The following PTPRM variants were observed in gnomAD, a reference collection of about 807,000 sequenced individuals.
The protein encoded by PTPRM is receptor-type tyrosine-protein phosphatase mu.
Under a neutral mutation model 186.7 loss-of-function variants are expected in PTPRM, and 47 were observed. The ratio of observed to expected loss-of-function variants is 0.25; its 90% CI spans 0.20 to 0.32. PTPRM has a LOEUF of 0.32. PTPRM is among the 10% of genes least tolerant of loss of function. PTPRM has a pLI of 1.00. For missense variants in PTPRM, 1,494 were observed against 1,865.0 expected (o/e 0.80, Z 3.66); for synonymous variants, 668 against 674.9 (o/e 0.99, Z 0.16).
At chr18:7,730,873 C>G (rs769640726) in intron 1 of PTPRM, among the ~76,000 whole-genome samples, 10 of 152,168 alleles carry the variant, frequency 6.6e-5, no homozygotes, top group Non-Finnish European at 1.3e-4. Flanking sequence ...GGTTTCTGGC[C>G]TTCCCCTTTA....
At chr18:7,887,922 A>G (rs763461239) in intron 2 of PTPRM, 184 bp from the exon 3 acceptor site, 27 of 787,552 alleles carry the variant, frequency 3.4e-5, no homozygotes, top group Non-Finnish European at 5.0e-5. Context: ...ACTCTTGAGA[A>G]CATATAGGGG....
chr18:8,235,840 C>T (rs539043846), intron 14 of PTPRM, among the ~76,000 whole-genome samples: 5 of 152,194 alleles, frequency 3.3e-5, no homozygotes, highest in African/African-American at 1.2e-4. Flanking sequence ...CTGTGTTTTA[C>T]TTAACATGCA....
rs1176523332 is a variant in PTPRM, at chr18:8,069,785, A to G, written c.1232A>G (p.His411Arg). 6.2e-7 allele frequency: 1 copy of G among 1,613,952 alleles called. No individual in the cohort carries two copies. The highest frequency in any genetic ancestry group is 1.7e-5 in the Admixed American group (1 of 60,026). ...TTTGGATATAATGTAACTCGTTGCC[A>G]CAGTTATAATCTCACTGTCCACTAC... is the stretch of plus-strand genomic sequence containing the variant. ...EPFGYNVTRC[H>R]SYNLTVHYCY... The change falls in exon 8 of 33, where the codon CAC (histidine) becomes CGC (arginine). Residue 411 changes from histidine (H) to arginine (R), a missense_variant. By Grantham distance (29) the His-to-Arg change is conservative (BLOSUM62 0). Around this residue, in one of 3 missense-constraint regions of PTPRM, gnomAD observed 1,107 missense variants for 1,350.2 expected, o/e 0.82. Transcript: ENST00000580170.
intron 14 of PTPRM, among the ~76,000 whole-genome samples, chr18:8,237,065 T>C (rs6506564): frequency 0.4 from 60,601 of 151,904 alleles, 12,468 homozygotes; most frequent in Middle Eastern, 0.56. Context: ...AGTTCACATA[T>C]GTTTACAGCT....
intron 2 of PTPRM, among the ~76,000 whole-genome samples, chr18:7,794,297 G>T (rs941039409): frequency 1.3e-5 from 2 of 152,184 alleles, no homozygotes; most frequent in Non-Finnish European, 2.9e-5. Flanking sequence ...GCCCACTGGG[G>T]CTTCAGCTGT....
chr18:8,142,079 G>T (rs1305323285), intron 13 of PTPRM, among the ~76,000 whole-genome samples: 1 of 152,178 alleles, frequency 6.6e-6, no homozygotes, highest in Non-Finnish European at 1.5e-5. Context: ...TACCATAAAG[G>T]ATAATTAACA....
intron 7 of PTPRM, among the ~76,000 whole-genome samples, chr18:7,987,899 G>A (rs764066253): frequency 6.6e-6 from 1 of 151,600 alleles, no homozygotes; most frequent in Non-Finnish European, 1.5e-5. Flanking sequence ...GTAAATGATA[G>A]CAGGCACAGT....
chr18:8,122,343 A>G (rs2092205925), intron 13 of PTPRM: 2 of 152,702 alleles, frequency 1.3e-5, no homozygotes, highest in South Asian at 4.1e-4. Context: ...TAGACGAGTC[A>G]TCTTGCCCAT....
intron 7 of PTPRM, among the ~76,000 whole-genome samples, chr18:7,989,709 T>C (rs894687729): frequency 6.6e-6 from 1 of 152,194 alleles, no homozygotes; most frequent in Non-Finnish European, 1.5e-5. Flanking sequence ...TAATGTTGAA[T>C]TGATTTACTT....
intron 23 of PTPRM, among the ~76,000 whole-genome samples, chr18:8,368,029 G>A (rs1349670800): frequency 3.3e-5 from 5 of 151,934 alleles, no homozygotes; most frequent in Non-Finnish European, 7.4e-5. Context: ...CATTTTCAGA[G>A]AAATAAATGA....
At chr18:7,648,123 A>G (rs1277663130) in intron 1 of PTPRM, among the ~76,000 whole-genome samples, 2 of 151,972 alleles carry the variant, frequency 1.3e-5, no homozygotes, top group Non-Finnish European at 2.9e-5. Context: ...AAACTTTTTC[A>G]TTAGTATTGT....
intron 22 of PTPRM, among the ~76,000 whole-genome samples, chr18:8,342,747 C>T (rs1454586205): frequency 6.6e-6 from 1 of 152,148 alleles, no homozygotes; most frequent in Non-Finnish European, 1.5e-5. Context: ...ACCTGATTCT[C>T]TCTGTAGCAC....
At chr18:7,988,821 A>G (rs2083108203) in intron 7 of PTPRM, among the ~76,000 whole-genome samples, 1 of 152,188 alleles carries the variant, frequency 6.6e-6, no homozygotes, top group Non-Finnish European at 1.5e-5. Context: ...GTTGATGGGC[A>G]TTTTGGTTGC....
At chr18:8,057,744 G>T (rs1340933823) in intron 7 of PTPRM, among the ~76,000 whole-genome samples, 1 of 57,292 alleles carries the variant, frequency 1.7e-5, no homozygotes, top group African/African-American at 7.8e-5. Flanking sequence ...GAGAATGATG[G>T]TTTCCAATTT....
At chr18:7,833,528 G>A (rs1292579003) in intron 2 of PTPRM, among the ~76,000 whole-genome samples, 3 of 152,166 alleles carry the variant, frequency 2.0e-5, no homozygotes, top group East Asian at 1.9e-4. Context: ...GAGGTCAGGA[G>A]TTTGAGACCA....
intron 14 of PTPRM, among the ~76,000 whole-genome samples, chr18:8,179,384 T>C (rs1021537139): frequency 1.3e-5 from 2 of 152,184 alleles, no homozygotes; most frequent in African/African-American, 4.8e-5. Flanking sequence ...GTTCAGTCCA[T>C]ACATTTAACT....
intron 5 of PTPRM, among the ~76,000 whole-genome samples, chr18:7,927,608 G>T (rs907814568): frequency 2.0e-5 from 3 of 152,036 alleles, no homozygotes; most frequent in Non-Finnish European, 4.4e-5. Context: ...TGCTGGCCTT[G>T]TCTCTGCACG....
intron 1 of PTPRM, among the ~76,000 whole-genome samples, chr18:7,575,391 C>G (rs1243659872): frequency 6.6e-6 from 1 of 152,130 alleles, no homozygotes; most frequent in Non-Finnish European, 1.5e-5. Flanking sequence ...AAGAAAGGCA[C>G]GAGAGCGGAC....
chr18:7,648,166 C>T (rs986685052), intron 1 of PTPRM, among the ~76,000 whole-genome samples: 14 of 152,142 alleles, frequency 9.2e-5, no homozygotes, highest in East Asian at 1.9e-4. Flanking sequence ...TAGTGATCAT[C>T]GATGTTACTA....
Sources: allele counts gnomAD v4.1 joint callset (sites outside exome capture counted in the v4.1 genomes callset), GRCh38; gene constraint gnomAD v4.1.1; regional missense constraint gnomAD v4.1.1; transcripts MANE v1.5; gene names NCBI Gene and HGNC (gene_info 2026-07-23, HGNC 2026-07-21).